SWAP70: variants seen among roughly 807,000 people sequenced by gnomAD.
SWAP70 encodes the protein switch-associated protein 70.
SWAP70 carries 34 observed loss-of-function variants against 80.2 expected under a neutral mutation model. The ratio of observed to expected loss-of-function variants is 0.42; its 90% CI spans 0.32 to 0.56. The LOEUF (loss-of-function observed/expected upper bound fraction) is 0.56, where lower values mean the gene tolerates loss of function less well. Among genes scored for constraint, SWAP70 ranks in the 20% least tolerant of loss-of-function variants. The pLI is 0.09. For synonymous variants in SWAP70, 239 were observed against 238.5 expected (o/e 1.00, Z -0.02); for missense variants, 578 against 690.7 (o/e 0.84, Z 1.83).
intron 2 of SWAP70, among the ~76,000 whole-genome samples, chr11:9,702,016 C>T (rs986182576): frequency 2.6e-5 from 4 of 152,098 alleles, no homozygotes; most frequent in Non-Finnish European, 5.9e-5. Flanking sequence ...TAACAGAAGC[C>T]TTTTTGTATT....
chr11:9,721,995 C>T (rs1184714370), intron 3 of SWAP70, among the ~76,000 whole-genome samples: 1 of 152,186 alleles, frequency 6.6e-6, no homozygotes, highest in Admixed American at 6.5e-5. Context: ...AATCTTCGTG[C>T]AGTAGAAATA....
intron 3 of SWAP70, chr11:9,720,155 T>C: frequency 1.0e-6 from 1 of 985,324 alleles, no homozygotes; most frequent in Non-Finnish European, 1.2e-6. Flanking sequence ...AATGTTTGTC[T>C]CTCCTTGGCC....
intron 2 of SWAP70, among the ~76,000 whole-genome samples, chr11:9,702,924 A>G (rs1400995624): frequency 6.6e-6 from 1 of 152,210 alleles, no homozygotes; most frequent in Admixed American, 6.5e-5. Flanking sequence ...TTAAAGTAAC[A>G]GTTTTATTGA....
intron 7 of SWAP70, among the ~76,000 whole-genome samples, chr11:9,733,902 A>G (rs1232721059): frequency 6.6e-6 from 1 of 152,208 alleles, no homozygotes; most frequent in East Asian, 1.9e-4. Context: ...ACAAATAATC[A>G]TACAGTGAAT....
At chr11:9,713,977 G>GTA (rs560680013) in intron 3 of SWAP70, among the ~76,000 whole-genome samples, 163 of 152,282 alleles carry the variant, frequency 1.1e-3, no homozygotes, top group African/African-American at 3.5e-3. Flanking sequence ...CTGAGTGCTG[G>GTA]TATACATGGG....
intron 2 of SWAP70, chr11:9,703,474 G>C: frequency 2.2e-6 from 1 of 456,260 alleles, no homozygotes; most frequent in Non-Finnish European, 4.4e-6. Flanking sequence ...CCCATCAAAT[G>C]CAGCGAATTT....
chr11:9,684,455 T>C (rs1325990206), intron 1 of SWAP70, among the ~76,000 whole-genome samples: 1 of 152,194 alleles, frequency 6.6e-6, no homozygotes, highest in Non-Finnish European at 1.5e-5. Context: ...GTGTACTAAA[T>C]TAAACTTCTA....
intron 1 of SWAP70, among the ~76,000 whole-genome samples, chr11:9,689,668 G>A (rs892659717): frequency 3.3e-5 from 5 of 152,174 alleles, no homozygotes; most frequent in African/African-American, 9.7e-5. Flanking sequence ...TGATTCTTTT[G>A]TCTTAATCTG....
intron 2 of SWAP70, among the ~76,000 whole-genome samples, chr11:9,698,918 T>G (rs2645014): frequency 1.3e-5 from 2 of 151,874 alleles, no homozygotes; most frequent in Non-Finnish European, 2.9e-5. Flanking sequence ...GTTAGAATAC[T>G]TAAAGTCTAC....
At chr11:9,698,954 A>G (rs1850796493) in intron 2 of SWAP70, among the ~76,000 whole-genome samples, 1 of 152,190 alleles carries the variant, frequency 6.6e-6, no homozygotes. Flanking sequence ...TAGGTATTTA[A>G]TACATTGTTA....
chr11:9,720,567 T>G, intron 3 of SWAP70: 1 of 771,396 alleles, frequency 1.3e-6, no homozygotes, highest in Non-Finnish European at 1.6e-6. Flanking sequence ...CACCCACGTG[T>G]AGTCATACTG....
At chr11:9,729,660 GT>G (rs139178795) in intron 6 of SWAP70, among the ~76,000 whole-genome samples, 6,806 of 152,022 alleles carry the variant, frequency 0.045, 210 homozygotes, top group Non-Finnish European at 0.065. Context: ...CCCAGCTAAT[GT>G]TTTTGTAATT....
intron 1 of SWAP70, among the ~76,000 whole-genome samples, chr11:9,670,702 A>T (rs1008227838): frequency 1.3e-5 from 2 of 152,126 alleles, no homozygotes; most frequent in African/African-American, 4.8e-5. Flanking sequence ...CTTTTAAGGA[A>T]AACATGGTCT....
At chr11:9,733,885 T>C (rs1851331540) in intron 7 of SWAP70, among the ~76,000 whole-genome samples, 2 of 152,194 alleles carry the variant, frequency 1.3e-5, no homozygotes, top group African/African-American at 2.4e-5. Context: ...ATATGAAATA[T>C]GTATATACAA....
chr11:9,697,341 G>A (rs1590022248), intron 2 of SWAP70, among the ~76,000 whole-genome samples: 1 of 149,020 alleles, frequency 6.7e-6, no homozygotes, highest in Admixed American at 6.7e-5. Flanking sequence ...GGAGTGCAGT[G>A]CCGCAATCTC....
intron 1 of SWAP70, among the ~76,000 whole-genome samples, chr11:9,672,059 A>G (rs1294516993): frequency 1.6e-5 from 2 of 124,980 alleles, no homozygotes; most frequent in African/African-American, 3.1e-5. Flanking sequence ...AATATATTTT[A>G]TAGTATAAAA....
intron 3 of SWAP70, among the ~76,000 whole-genome samples, chr11:9,719,237 T>A (rs1482709396): frequency 6.6e-6 from 1 of 151,876 alleles, no homozygotes; most frequent in East Asian, 1.9e-4. Flanking sequence ...AAACCCCATC[T>A]CTGCAAAAAA....
chr11:9,732,662 C>G lies in SWAP70; in HGVS notation c.1032C>G (p.Leu344=), dbSNP rs1019839465. Residue 344 remains leucine (L), a synonymous_variant, in exon 7 of 12, where the codon CTC becomes CTG. Transcript: ENST00000318950. ...AACTGGAGCGACAAATGAAGGAACT[C>G]CAGGCCGCCAACGAAAGCAAGCAGC... ...QEELERQMKE[L]QAANESKQQE... The G allele has an allele frequency of 8.3e-6, 13 of 1,566,584 alleles. No homozygotes were observed. The African/African-American group carries it at 1.1e-4, about 13-fold the overall frequency.
intron 10 of SWAP70, among the ~76,000 whole-genome samples, chr11:9,748,489 A>G (rs1379742811): frequency 6.6e-6 from 1 of 152,154 alleles, no homozygotes; most frequent in Admixed American, 6.6e-5. Context: ...AGATGGCAGA[A>G]AAGTTTGTTG....
Sources: gnomAD v4.1 joint callset for allele counts (sites outside exome capture counted in the v4.1 genomes callset) on GRCh38, gnomAD v4.1.1 for gene constraint, MANE v1.5 for transcripts, NCBI Gene and HGNC (gene_info 2026-07-23, HGNC 2026-07-21) for gene names.